The following STAG1 variants were observed in gnomAD, a reference collection of about 807,000 sequenced individuals.
The protein encoded by STAG1 is cohesin subunit SA-1.
In STAG1, 26 loss-of-function variants were observed where a neutral mutation model predicts 170.9. The ratio of observed to expected loss-of-function variants is 0.15; its 90% CI spans 0.11 to 0.21. The LOEUF is 0.21. STAG1 is among the 10% of genes least tolerant of loss of function. STAG1 has a pLI of 1.00. For synonymous variants in STAG1, 514 were observed against 497.7 expected, an observed-to-expected ratio of 1.03 and a Z score of -0.44; for missense variants, 964 against 1,509.5, an observed-to-expected ratio of 0.64 and a Z score of 5.99.
chr3:136,734,889 T>C (rs1934249650), intron 1 of STAG1, among the ~76,000 whole-genome samples: 2 of 152,222 alleles, frequency 1.3e-5, no homozygotes, highest in Non-Finnish European at 2.9e-5. Flanking sequence ...CTGGACATTA[T>C]GTTAAGTGAA....
chr3:136,574,520 G>A (rs769869740), intron 4 of STAG1, among the ~76,000 whole-genome samples: 15 of 152,030 alleles, frequency 9.9e-5, no homozygotes, highest in Non-Finnish European at 1.8e-4. Flanking sequence ...AACATTAACC[G>A]TAAGAAACAT....
chr3:136,479,072 T>C (rs2089846083), intron 9 of STAG1, among the ~76,000 whole-genome samples: 1 of 150,098 alleles, frequency 6.7e-6, no homozygotes, highest in African/African-American at 2.5e-5. Flanking sequence ...TTTTTTTTTT[T>C]TTTTAATTTT....
At chr3:136,518,457 C>T (rs1391668270) in intron 7 of STAG1, 1 of 691,028 alleles carries the variant, frequency 1.4e-6, no homozygotes, top group Non-Finnish European at 2.6e-6. Context: ...ATCTATTCCT[C>T]GTACATATAC....
chr3:136,571,019 T>C (rs1172893561), intron 4 of STAG1, among the ~76,000 whole-genome samples: 3 of 152,184 alleles, frequency 2.0e-5, no homozygotes, highest in Non-Finnish European at 2.9e-5. Flanking sequence ...TGGTGAAAAC[T>C]AGAAGTTAAT....
Position 136,452,147 on chromosome 3 carries a change from C to A in STAG1, c.1314G>T (p.Lys438Asn). The change falls in exon 14 of 34, where the codon AAG becomes AAT. Residue 438 changes from lysine (K) to asparagine (N), a missense_variant and splice_region_variant. By Grantham distance (94) the Lys-to-Asn change is moderately conservative (BLOSUM62 0). Around this residue, in one of 11 missense-constraint regions of STAG1, gnomAD observed 162 missense variants for 211.2 expected, o/e 0.77. Coordinates refer to ENST00000383202, the MANE Select transcript of STAG1 (RefSeq NM_005862.3). ...CTTGTGGGTCATGTCTGCTAAATAG[C>A]CTGGAAATGAAAAACAGGGCATTGC... ...AVAAGEFLHK[K>N]LFSRHDPQAE... 1 of 1,605,946 alleles carries A rather than the reference C, an allele frequency of 6.2e-7. No homozygotes were observed. The highest frequency in any genetic ancestry group is 8.5e-7 in the Non-Finnish European group (1 of 1,174,888).
At chr3:136,691,989 T>C (rs1377239981) in intron 1 of STAG1, among the ~76,000 whole-genome samples, 1 of 152,076 alleles carries the variant, frequency 6.6e-6, no homozygotes, top group Non-Finnish European at 1.5e-5. Flanking sequence ...CTCACTGGTT[T>C]GAACAACAAG....
chr3:136,658,197 C>CA (rs78966136), intron 1 of STAG1, among the ~76,000 whole-genome samples: 2,671 of 115,784 alleles, frequency 0.023, 55 homozygotes, highest in East Asian at 0.086. Flanking sequence ...ATCTTCCACC[C>CA]AAAAAAAAAA....
chr3:136,498,479 G>A (rs1446250695), intron 9 of STAG1, among the ~76,000 whole-genome samples: 1 of 151,230 alleles, frequency 6.6e-6, no homozygotes, highest in African/African-American at 2.4e-5. Context: ...GCTTGCTTGA[G>A]GATGATGGAA....
At chr3:136,352,496 CAAAG>C (rs1167764915) in intron 28 of STAG1, among the ~76,000 whole-genome samples, 1 of 152,070 alleles carries the variant, frequency 6.6e-6, no homozygotes, top group Non-Finnish European at 1.5e-5. Flanking sequence ...ATGAGACGTA[CAAAG>C]AAACAGGAAA....
At chr3:136,355,462 T>C (rs1368271108) in intron 28 of STAG1, among the ~76,000 whole-genome samples, 2 of 149,426 alleles carry the variant, frequency 1.3e-5, no homozygotes, top group Non-Finnish European at 3.0e-5. Context: ...AATTCAATAG[T>C]AATATTTGGA....
chr3:136,621,992 GAAAAAAA>G (rs11360539), intron 3 of STAG1, among the ~76,000 whole-genome samples: 1 of 121,444 alleles, frequency 8.2e-6, no homozygotes, highest in Non-Finnish European at 1.7e-5. Flanking sequence ...TGGTGGTGTG[GAAAAAAA>G]AAAAAAAAAA....
At chr3:136,582,717 T>G (rs2107781068) in intron 4 of STAG1, among the ~76,000 whole-genome samples, 1 of 152,320 alleles carries the variant, frequency 6.6e-6, no homozygotes, top group Non-Finnish European at 1.5e-5. Context: ...GAGACTCACT[T>G]GAACCCAGGA....
chr3:136,498,054 T>G (rs1421396384), intron 9 of STAG1, among the ~76,000 whole-genome samples: 1 of 149,162 alleles, frequency 6.7e-6, no homozygotes, highest in East Asian at 2.0e-4. Context: ...TAGCTGGGCG[T>G]GGCAGAGCAT....
intron 1 of STAG1, among the ~76,000 whole-genome samples, chr3:136,715,696 T>C (rs1943521851): frequency 6.6e-6 from 1 of 152,124 alleles, no homozygotes; most frequent in South Asian, 2.1e-4. Flanking sequence ...AAAAGGGAAT[T>C]GTGAAAAACG....
chr3:136,605,291 T>C (rs775906535), intron 3 of STAG1, among the ~76,000 whole-genome samples: 43 of 152,192 alleles, frequency 2.8e-4, no homozygotes, highest in Non-Finnish European at 2.9e-5. Context: ...CCCAACTTTA[T>C]TTTAAAAAGT....
intron 11 of STAG1, 135 bp from the exon 12 acceptor site, chr3:136,472,627 AGTATT>A (rs1470394699): frequency 1.0e-5 from 6 of 572,198 alleles, no homozygotes; most frequent in Non-Finnish European, 1.9e-5. Flanking sequence ...TTGAAACTGC[AGTATT>A]GTAGTCCTAC....
At chr3:136,662,987 G>A (rs1051368991) in intron 1 of STAG1, among the ~76,000 whole-genome samples, 1 of 152,036 alleles carries the variant, frequency 6.6e-6, no homozygotes, top group Non-Finnish European at 1.5e-5. Context: ...GGAGGTGGAG[G>A]TTGCAGTGAG....
At chr3:136,422,244 G>C (rs1450095758) in intron 19 of STAG1, among the ~76,000 whole-genome samples, 166 bp downstream of exon 19, 1 of 151,968 alleles carries the variant, frequency 6.6e-6, no homozygotes, top group Non-Finnish European at 1.5e-5. Flanking sequence ...GCATAACCAA[G>C]GCTGATCTTT....
intron 1 of STAG1, among the ~76,000 whole-genome samples, chr3:136,647,607 AT>A (rs926903284): frequency 3.3e-5 from 5 of 152,152 alleles, no homozygotes; most frequent in African/African-American, 1.2e-4. Context: ...AAAAAAAAAA[AT>A]AAGGAAAAAA....
Sources: allele counts gnomAD v4.1 joint callset (sites outside exome capture counted in the v4.1 genomes callset), GRCh38; gene constraint gnomAD v4.1.1; regional missense constraint gnomAD v4.1.1; transcripts MANE v1.5; gene names NCBI Gene and HGNC (gene_info 2026-07-23, HGNC 2026-07-21).